The following SLC39A8 variants were observed in gnomAD, a reference collection of about 807,000 sequenced individuals.
The protein encoded by SLC39A8 is solute carrier family 39 member 8.
Under a neutral mutation model 40.4 loss-of-function variants are expected in SLC39A8, and 15 were observed. The ratio of observed to expected loss-of-function variants is 0.37; its 90% confidence interval spans 0.25 to 0.57. The LOEUF (loss-of-function observed/expected upper bound fraction) is 0.57, where lower values mean the gene tolerates loss of function less well. SLC39A8 is among the 20% of genes least tolerant of loss of function. The pLI is 0.75. For missense variants in SLC39A8, 472 were observed against 558.8 expected (o/e 0.84, Z 1.57); for synonymous variants, 223 against 221.6 (o/e 1.01, Z -0.06).
chr4:102,304,146 A>T (rs921048064), intron 6 of SLC39A8, among the ~76,000 whole-genome samples, 171 bp downstream of exon 6: 1 of 151,874 alleles, frequency 6.6e-6, no homozygotes, highest in Admixed American at 6.6e-5. Flanking sequence ...GAGTAAACAT[A>T]TACAGGGAAG....
chr4:102,308,128 A>G (rs1734272690), intron 3 of SLC39A8, among the ~76,000 whole-genome samples: 1 of 151,868 alleles, frequency 6.6e-6, no homozygotes, highest in Non-Finnish European at 1.5e-5. Context: ...TTGTCTTCAG[A>G]CTCCTGAGGA....
intron 2 of SLC39A8, among the ~76,000 whole-genome samples, chr4:102,321,700 G>A (rs1734974821): frequency 1.3e-5 from 2 of 152,174 alleles, no homozygotes; most frequent in Non-Finnish European, 1.5e-5. Context: ...GCAGGATGGT[G>A]GCAACTTTGG....
downstream of SLC39A8, among the ~76,000 whole-genome samples, chr4:102,259,909 A>G (rs1311314589): frequency 6.6e-6 from 1 of 152,216 alleles, no homozygotes; most frequent in East Asian, 1.9e-4. Context: ...TTTAAACAGA[A>G]AGATCAAAGT....
At chr4:102,265,374 T>C (rs1732055753) in intron 8 of SLC39A8, among the ~76,000 whole-genome samples, 1 of 152,210 alleles carries the variant, frequency 6.6e-6, no homozygotes, top group South Asian at 2.1e-4. Context: ...CACCATTTTA[T>C]ACGAATGTGG....
At chr4:102,275,851 A>G (rs1732593904) in intron 6 of SLC39A8, among the ~76,000 whole-genome samples, 1 of 152,206 alleles carries the variant, frequency 6.6e-6, no homozygotes, top group South Asian at 2.1e-4. Context: ...CCACACAACT[A>G]CATGGAAACG....
chr4:102,268,108 C>A (rs775684500), intron 6 of SLC39A8, 29 bp from the exon 7 acceptor site: 3 of 1,606,798 alleles, frequency 1.9e-6, no homozygotes, highest in Non-Finnish European at 2.6e-6. Flanking sequence ...AAATGATAAC[C>A]AACATTTCTT....
downstream of SLC39A8, among the ~76,000 whole-genome samples, chr4:102,258,097 G>GTTTTTTTTTTTTTTTTTTT (rs1270948341): frequency 7.3e-6 from 1 of 136,658 alleles, no homozygotes; most frequent in African/African-American, 3.6e-5. Context: ...GTAAGTAAGT[G>GTTTTTTTTTTTTTTTTTTT]TTTTTTGTTT....
At chr4:102,290,654 C>T (rs377101819) in intron 6 of SLC39A8, among the ~76,000 whole-genome samples, 5 of 149,934 alleles carry the variant, frequency 3.3e-5, no homozygotes, top group Admixed American at 2.0e-4. Context: ...AGAAGGTAAA[C>T]GTCAACAATT....
chr4:102,297,378 G>A (rs983396804), intron 6 of SLC39A8, among the ~76,000 whole-genome samples: 35 of 151,990 alleles, frequency 2.3e-4, no homozygotes, highest in South Asian at 4.1e-4. Flanking sequence ...AATAATAATC[G>A]TACTTGCCTC....
Position 102,279,981 on chromosome 4 carries a change from C to T in SLC39A8, c.841-11902G>A, listed in dbSNP as rs556891855. 2.0e-5 allele frequency among the ~76,000 whole-genome samples: 3 copies of T among 152,268 alleles called. No homozygotes were observed. The South Asian group carries it at 6.2e-4, about 32-fold the overall frequency. ...TCTTTCCCCATAAGACCTGCAGGCACTCTATCAAAGGCCCTCATGTCCAGG... is the reference window on the plus strand; with the variant it reads ...TCTTTCCCCATAAGACCTGCAGGCATTCTATCAAAGGCCCTCATGTCCAGG... On this transcript the variant is annotated intron_variant, in intron 6 of 8. Transcript: ENST00000356736.
In SLC39A8 at chr4:102,341,658, T is replaced by C. The variant is rs368228546; in HGVS notation, c.219+2786A>G. Among the ~76,000 whole-genome samples the C allele has an allele frequency of 2.2e-4, 33 of 152,370 alleles. No homozygotes were observed. In the East Asian group the frequency reaches 4.6e-3, roughly 21 times the overall value. ...CAGTAGCTATAAGAAGCAAAACTAT[T>C]GGCTCAATTGTTCTACTGTCTACAG... On this transcript the variant is annotated intron_variant, in intron 2 of 8. Coordinates refer to ENST00000356736, the MANE Select transcript of SLC39A8 (RefSeq NM_001135146.2).
intron 2 of SLC39A8, among the ~76,000 whole-genome samples, chr4:102,316,331 T>C (rs1271601125): frequency 6.6e-6 from 1 of 152,150 alleles, no homozygotes; most frequent in Non-Finnish European, 1.5e-5. Flanking sequence ...AATATAAATA[T>C]AAAAAGTTGT....
At chr4:102,343,513 TCAGTGGGA>T (rs1736028734) in intron 2 of SLC39A8, among the ~76,000 whole-genome samples, 1 of 152,132 alleles carries the variant, frequency 6.6e-6, no homozygotes, top group Admixed American at 6.5e-5. Context: ...ATATCAGCTG[TCAGTGGGA>T]CAGGAGTAAA....
intron 11 of SLC39A8, among the ~76,000 whole-genome samples, chr4:102,256,337 A>G (rs2148998599): frequency 1.3e-5 from 2 of 152,350 alleles, no homozygotes; most frequent in Middle Eastern, 6.8e-3. Context: ...GATTCCCATA[A>G]GGCATAAACT....
exon 12 of SLC39A8, chr4:102,252,635 T>C (rs1274215984): frequency 2.0e-5 from 3 of 152,188 alleles, no homozygotes; most frequent in African/African-American, 7.2e-5. Flanking sequence ...GGGAAGAGGC[T>C]TGTCAATTCA....
At chr4:102,333,553 C>T (rs1001397430) in intron 2 of SLC39A8, among the ~76,000 whole-genome samples, 15 of 152,250 alleles carry the variant, frequency 9.9e-5, no homozygotes, top group African/African-American at 3.1e-4. Context: ...GATAGTAATA[C>T]CTATCACTAA....
At chr4:102,331,631 C>T (rs988625116) in intron 2 of SLC39A8, among the ~76,000 whole-genome samples, 1 of 152,166 alleles carries the variant, frequency 6.6e-6, no homozygotes, top group Non-Finnish European at 1.5e-5. Flanking sequence ...CATCAAGCTG[C>T]CATTTACTTT....
rs1165673176 is a variant in SLC39A8, at chr4:102,320,364, GAGTATATATATATGAGAATA to G, written c.220-4554_220-4535del. 1.9e-3 allele frequency among the ~76,000 whole-genome samples: 231 copies of G among 123,522 alleles called. 3 individuals are homozygous for G. Among genetic ancestry groups the G allele is most frequent in the Middle Eastern group, 5.3e-3 (1 of 190 alleles). The allele number at this position is 123,522 out of a possible 152,430, so 81.0% of individuals were successfully genotyped here. On this transcript the variant is annotated intron_variant, in intron 2 of 8. Coordinates refer to ENST00000356736, the MANE Select transcript of SLC39A8 (RefSeq NM_001135146.2). ...TATATATATATGAGAATATATATATGAGTATATATATATGAGAATATATATATGAGTATATATATATGAGA... is the reference window on the plus strand; with the variant it reads ...TATATATATATGAGAATATATATATGTATATATGAGTATATATATATGAGA...
chr4:102,292,942 A>T (rs11733483), intron 6 of SLC39A8, among the ~76,000 whole-genome samples: 87,643 of 151,808 alleles, frequency 0.58, 26,576 homozygotes, highest in Non-Finnish European at 0.68. Flanking sequence ...GAAGTTGAAG[A>T]AACCCGATTA....
Sources: gnomAD v4.1 joint callset for allele counts (sites outside exome capture counted in the v4.1 genomes callset) on GRCh38, gnomAD v4.1.1 for gene constraint, MANE v1.5 for transcripts, NCBI Gene and HGNC (gene_info 2026-07-23, HGNC 2026-07-21) for gene names.